Variants in GRIN2B observed in about 807,000 individuals in gnomAD.
The protein encoded by GRIN2B is glutamate receptor ionotropic, NMDA 2B.
Under a neutral mutation model 114.5 loss-of-function variants are expected in GRIN2B, and 5 were observed. The observed-to-expected ratio is 0.04, with a 90% CI of 0.02 to 0.09. The LOEUF (loss-of-function observed/expected upper bound fraction) is 0.09. Among genes scored for constraint, GRIN2B ranks in the 10% least tolerant of loss-of-function variants. The pLI, the probability that GRIN2B is intolerant of heterozygous loss-of-function variation, is 1.00. For missense variants in GRIN2B, 1,108 were observed against 1,943.5 expected (o/e 0.57, Z 8.08); for synonymous variants, 787 against 745.1 (o/e 1.06, Z -0.92).
At chr12:13,939,543 C>CTT (rs59671145) in intron 2 of GRIN2B, among the ~76,000 whole-genome samples, 10,331 of 87,656 alleles carry the variant, frequency 0.12, 790 homozygotes, top group East Asian at 0.39. Flanking sequence ...CTGCACCGTG[C>CTT]TTTTTTTTTT....
rs762140684 is a variant in GRIN2B at position 13,562,789 on chromosome 12, A to G, written c.4449T>C (p.Asp1483=). The change falls in exon 14 of 14, where the codon GAT becomes GAC. Residue 1483 remains aspartate, a synonymous_variant. Coordinates refer to ENST00000609686, the MANE Select transcript of GRIN2B (RefSeq NM_000834.5). ...AACCTCTCTGTTCCCTCACTCAGAC[A>G]TCAGACTCAATACTAGAAAGTTTCT... The part of the protein sequence containing the change: ...VYEKLSSIES[D]V The G allele has an allele frequency of 6.2e-7, 1 of 1,613,738 alleles. No homozygotes were observed. Among genetic ancestry groups the G allele is most frequent in the South Asian group, 1.1e-5 (1 of 91,082 alleles).
intron 5 of GRIN2B, among the ~76,000 whole-genome samples, chr12:13,638,757 A>G (rs993209738): frequency 1.3e-5 from 2 of 152,126 alleles, no homozygotes; most frequent in Non-Finnish European, 2.9e-5. Context: ...GAAGCTTCCA[A>G]GAAGTCCTGT....
At chr12:13,843,110 GGA>G (rs199856890) in intron 3 of GRIN2B, among the ~76,000 whole-genome samples, 2,986 of 132,648 alleles carry the variant, frequency 0.023, 126 homozygotes, top group African/African-American at 0.078. Context: ...GCTACACTGG[GGA>G]AAAAAAAAAA....
chr12:13,975,488 TC>T (rs1863004464), intron 2 of GRIN2B, among the ~76,000 whole-genome samples: 1 of 152,240 alleles, frequency 6.6e-6, no homozygotes, highest in Non-Finnish European at 1.5e-5. Context: ...TCCCTGGATC[TC>T]AATTTCTTTA....
At chr12:13,634,900 G>C (rs1805544) in intron 5 of GRIN2B, among the ~76,000 whole-genome samples, 9,877 of 152,212 alleles carry the variant, frequency 0.065, 416 homozygotes, top group East Asian at 0.17. Context: ...TTTTACTGAA[G>C]ACTGGGCAGT....
chr12:13,914,856 T>C (rs1866686158), intron 2 of GRIN2B, among the ~76,000 whole-genome samples: 1 of 152,098 alleles, frequency 6.6e-6, no homozygotes, highest in Non-Finnish European at 1.5e-5. Flanking sequence ...CTCTCATATA[T>C]GAGAGATAAA....
At chr12:13,688,237 G>T (rs921816372) in intron 4 of GRIN2B, among the ~76,000 whole-genome samples, 1 of 152,120 alleles carries the variant, frequency 6.6e-6, no homozygotes, top group Admixed American at 6.6e-5. Context: ...TTCTAAGATG[G>T]TAGAACTAAA....
At position 13,865,655 on chromosome 12, in the gene GRIN2B, A is replaced by C. The variant is rs1865814797; in HGVS notation, c.411+143T>G. ...CTCAAAGAGAGAGAGAGAAAAAAAA[A>C]GGATTAATTGCTGGCCTATCCACGC... On this transcript the variant is annotated intron_variant, in intron 3 of 13. Transcript: ENST00000609686. The C allele has an allele frequency of 6.3e-6, 5 of 789,184 alleles. No homozygotes were observed. In the African/African-American group the frequency reaches 6.8e-5, roughly 11 times the overall value. The allele number at this position is 789,184 out of a possible 1,614,324, so 48.9% of individuals were successfully genotyped here. A position where few individuals can be genotyped will look rare whatever the true frequency, so the allele number is the denominator to read the frequency against.
chr12:13,824,166 T>C (rs2136695996), intron 3 of GRIN2B, among the ~76,000 whole-genome samples: 1 of 152,312 alleles, frequency 6.6e-6, no homozygotes, highest in East Asian at 1.9e-4. Flanking sequence ...TTCCCTCCCC[T>C]TCTATTTCCT....
At position 13,605,552 on chromosome 12, in the gene GRIN2B, G is replaced by GACACACACACACACAC. The variant is rs66916614; in HGVS notation, c.2010+3035_2010+3050dup. ...TCTCTCTCTCTCTCTCTCTCTCTCT[G>GACACACACACACACAC]ACACACACACACACACACACACACA... On this transcript the variant is annotated intron_variant, in intron 10 of 13. Transcript: ENST00000609686. 4.1e-4 allele frequency among the ~76,000 whole-genome samples: 53 copies of GACACACACACACACAC among 129,808 alleles called. 1 individual carries two copies. The highest frequency in any genetic ancestry group is 4.9e-4 in the African/African-American group (17 of 34,372). 85.2% of individuals were successfully genotyped at this position (129,808 alleles called of 152,430 possible).
At chr12:13,645,900 G>A (rs1393193282) in intron 5 of GRIN2B, among the ~76,000 whole-genome samples, 1 of 152,102 alleles carries the variant, frequency 6.6e-6, no homozygotes, top group Non-Finnish European at 1.5e-5. Context: ...GACTCTTAAA[G>A]ACTTAGTTGT....
intron 3 of GRIN2B, among the ~76,000 whole-genome samples, chr12:13,831,012 T>TC (rs1250328465): frequency 3.9e-5 from 6 of 152,192 alleles, no homozygotes; most frequent in Non-Finnish European, 5.9e-5. Context: ...GGTGCCCTCC[T>TC]CAAGGCAATG....
intron 3 of GRIN2B, among the ~76,000 whole-genome samples, chr12:13,783,995 G>A (rs557190571): frequency 1.7e-4 from 26 of 152,128 alleles, no homozygotes; most frequent in African/African-American, 4.3e-4. Flanking sequence ...AGGCCAAGGC[G>A]GGTGGATCAC....
intron 5 of GRIN2B, among the ~76,000 whole-genome samples, chr12:13,673,474 T>C (rs564208234): frequency 2.5e-4 from 38 of 152,186 alleles, no homozygotes; most frequent in African/African-American, 8.2e-4. Flanking sequence ...ACAGTCAGAA[T>C]TGTGCTTCAG....
chr12:13,625,576 A>G (rs1302168427), intron 5 of GRIN2B, among the ~76,000 whole-genome samples: 1 of 152,212 alleles, frequency 6.6e-6, no homozygotes, highest in African/African-American at 2.4e-5. Flanking sequence ...AATTGAAAAC[A>G]TCAGTGCAGC....
At chr12:13,955,917 C>T (rs540919269) in intron 2 of GRIN2B, among the ~76,000 whole-genome samples, 5 of 152,148 alleles carry the variant, frequency 3.3e-5, no homozygotes, top group Non-Finnish European at 5.9e-5. Context: ...GCACCAGACG[C>T]GTATATTAAT....
At chr12:13,859,296 G>T (rs1865714731) in intron 3 of GRIN2B, among the ~76,000 whole-genome samples, 1 of 152,144 alleles carries the variant, frequency 6.6e-6, no homozygotes. Flanking sequence ...AGTGATGGCT[G>T]GTGTGTTACT....
intron 3 of GRIN2B, among the ~76,000 whole-genome samples, chr12:13,849,269 C>T (rs896049605): frequency 3.3e-5 from 5 of 152,130 alleles, no homozygotes; most frequent in African/African-American, 1.2e-4. Flanking sequence ...GCTACTCAGC[C>T]AGTCCCTGTA....
intron 2 of GRIN2B, among the ~76,000 whole-genome samples, chr12:13,970,992 T>C (rs557143660): frequency 2.0e-5 from 3 of 152,300 alleles, no homozygotes; most frequent in South Asian, 2.1e-4. Flanking sequence ...AAGACAGCAA[T>C]TGTGGCTCCA....
Sources: allele counts gnomAD v4.1 joint callset (sites outside exome capture counted in the v4.1 genomes callset), GRCh38; gene constraint gnomAD v4.1.1; transcripts MANE v1.5; gene names NCBI Gene and HGNC (gene_info 2026-07-23, HGNC 2026-07-21).